KCNQ5: variants seen among roughly 807,000 people sequenced by gnomAD.
KCNQ5 encodes the protein potassium voltage-gated channel subfamily Q member 5.
A neutral mutation model predicts 98.2 loss-of-function variants in KCNQ5; 30 were observed. The observed-to-expected ratio is 0.31, with a 90% CI of 0.23 to 0.41. The LOEUF (loss-of-function observed/expected upper bound fraction) is 0.41. Among genes scored for constraint, KCNQ5 ranks in the 10% least tolerant of loss-of-function variants. The pLI, the probability that KCNQ5 is intolerant of heterozygous loss-of-function variation, is 1.00. For synonymous variants in KCNQ5, 458 were observed against 449.4 expected (o/e 1.02, Z -0.24); for missense variants, 835 against 1,182.5 (o/e 0.71, Z 4.31).
intron 1 of KCNQ5, among the ~76,000 whole-genome samples, chr6:72,842,397 A>C (rs1776834489): frequency 6.6e-6 from 1 of 152,248 alleles, no homozygotes; most frequent in Non-Finnish European, 1.5e-5. Context: ...TACTGCATGC[A>C]TACATGGTGC....
chr6:72,715,088 C>A (rs774380916), intron 1 of KCNQ5, among the ~76,000 whole-genome samples: 5 of 151,800 alleles, frequency 3.3e-5, no homozygotes, highest in Non-Finnish European at 7.4e-5. Flanking sequence ...CAATTGGGAC[C>A]AAAATTGGTG....
intron 1 of KCNQ5, among the ~76,000 whole-genome samples, chr6:72,956,537 T>C (rs1316784579): frequency 6.7e-6 from 1 of 149,754 alleles, no homozygotes; most frequent in African/African-American, 2.4e-5. Context: ...TTTTTCTTTC[T>C]TTCTTTCTTT....
chr6:72,728,263 T>G lies in KCNQ5; in HGVS notation c.398+105676T>G, dbSNP rs780528644. Among the ~76,000 whole-genome samples, 15 of 151,526 alleles carry G rather than the reference T, an allele frequency of 9.9e-5. No individual in the cohort carries two copies. The South Asian group carries it at 2.9e-3, about 30-fold the overall frequency. ...CAAAATAGCTTACTTCTGTCTCATTTTGTATATAAATATAATTTTAGGAAA... is the reference window on the plus strand; with the variant it reads ...CAAAATAGCTTACTTCTGTCTCATTGTGTATATAAATATAATTTTAGGAAA... On this transcript the variant is annotated intron_variant, in intron 1 of 13. Transcript: ENST00000370398.
intron 11 of KCNQ5, among the ~76,000 whole-genome samples, chr6:73,170,720 G>C (rs1777983270): frequency 6.6e-6 from 1 of 152,058 alleles, no homozygotes; most frequent in Non-Finnish European, 1.5e-5. Flanking sequence ...GATCACTTGA[G>C]GTCAGGAGTT....
intron 3 of KCNQ5, among the ~76,000 whole-genome samples, chr6:73,062,076 G>A (rs974445399): frequency 2.6e-5 from 4 of 152,114 alleles, no homozygotes; most frequent in African/African-American, 9.7e-5. Flanking sequence ...GGTACTTTTT[G>A]AGTCTGGAGT....
At chr6:72,986,600 G>T (rs181145196) in intron 1 of KCNQ5, 4 of 659,650 alleles carry the variant, frequency 6.1e-6, no homozygotes, top group South Asian at 1.9e-5. Flanking sequence ...TGAGGAGCAC[G>T]TAGAACCTGA....
At chr6:73,149,490 C>A (rs1005875239) in intron 10 of KCNQ5, among the ~76,000 whole-genome samples, 1 of 152,054 alleles carries the variant, frequency 6.6e-6, no homozygotes, top group South Asian at 2.1e-4. Flanking sequence ...ACAACAAAGG[C>A]ACTACCCATA....
chr6:72,687,192 T>G (rs997204596), intron 1 of KCNQ5, among the ~76,000 whole-genome samples: 17 of 152,210 alleles, frequency 1.1e-4, no homozygotes, highest in Admixed American at 9.2e-4. Flanking sequence ...CGTTACTGAA[T>G]ACTTAAGCCA....
chr6:72,640,259 C>G (rs764969860), intron 1 of KCNQ5, among the ~76,000 whole-genome samples: 5 of 151,880 alleles, frequency 3.3e-5, no homozygotes, highest in Non-Finnish European at 7.4e-5. Context: ...ATCGTAAACC[C>G]CTCCAAGCAC....
intron 1 of KCNQ5, among the ~76,000 whole-genome samples, chr6:72,772,921 A>G (rs888607596): frequency 1.3e-5 from 2 of 152,174 alleles, no homozygotes; most frequent in African/African-American, 2.4e-5. Context: ...CTGAATTGCA[A>G]TAGTTCTTTA....
At chr6:73,129,523 GTATT>G (rs1776133083) in intron 9 of KCNQ5, among the ~76,000 whole-genome samples, 1 of 152,170 alleles carries the variant, frequency 6.6e-6, no homozygotes, top group Middle Eastern at 3.2e-3. Context: ...ATATTCTAAA[GTATT>G]TATTCTTACA....
intron 1 of KCNQ5, among the ~76,000 whole-genome samples, chr6:72,652,149 A>G (rs1469324233): frequency 6.6e-6 from 1 of 151,948 alleles, no homozygotes; most frequent in Non-Finnish European, 1.5e-5. Flanking sequence ...TAAATTAAGA[A>G]ACATTCCAAA....
At chr6:73,144,366 A>G (rs1281571911) in intron 10 of KCNQ5, among the ~76,000 whole-genome samples, 1 of 152,214 alleles carries the variant, frequency 6.6e-6, no homozygotes, top group African/African-American at 2.4e-5. Context: ...AAACCTCAGA[A>G]TAACATTACC....
intron 11 of KCNQ5, among the ~76,000 whole-genome samples, chr6:73,174,776 T>C (rs1778151529): frequency 6.6e-6 from 1 of 152,222 alleles, no homozygotes; most frequent in African/African-American, 2.4e-5. Flanking sequence ...GGTATTGACC[T>C]CATAGGGTTG....
intron 1 of KCNQ5, among the ~76,000 whole-genome samples, chr6:72,985,119 T>C (rs1407570164): frequency 6.6e-6 from 1 of 152,154 alleles, no homozygotes; most frequent in East Asian, 1.9e-4. Context: ...AGCAGGAGGA[T>C]TGCGTGAGCC....
chr6:72,783,621 T>C (rs761822437), intron 1 of KCNQ5, among the ~76,000 whole-genome samples: 2 of 152,178 alleles, frequency 1.3e-5, no homozygotes, highest in Non-Finnish European at 2.9e-5. Context: ...TTATCCTCGA[T>C]ATTGCCAGAT....
At chr6:73,086,764 G>C (rs180690747) in intron 5 of KCNQ5, among the ~76,000 whole-genome samples, 1 of 152,288 alleles carries the variant, frequency 6.6e-6, no homozygotes, top group East Asian at 1.9e-4. Flanking sequence ...TCACGTTAAT[G>C]TTATTACGAA....
In KCNQ5 at chr6:72,815,032, G is replaced by C. The variant is rs80004361; in HGVS notation, c.399-188876G>C. On this transcript the variant is annotated intron_variant, in intron 1 of 13. Coordinates refer to ENST00000370398, the MANE Select transcript of KCNQ5 (RefSeq NM_019842.4). ...GGAGGCATGGTAAGGGAGTGGAGAA[G>C]TGGACCATGGTCAGGAAATATGGGA... 6.7e-3 allele frequency among the ~76,000 whole-genome samples: 1,016 copies of C among 152,304 alleles called. 12 individuals carry two copies. Among genetic ancestry groups the C allele is most frequent in the African/African-American group, 0.023 (976 of 41,562 alleles).
At chr6:73,002,215 T>C (rs1433157577) in intron 1 of KCNQ5, among the ~76,000 whole-genome samples, 3 of 152,242 alleles carry the variant, frequency 2.0e-5, no homozygotes, top group Non-Finnish European at 2.9e-5. Flanking sequence ...CTCTTTCCTC[T>C]TGGAGCCTTC....
Sources: allele counts gnomAD v4.1 joint callset (sites outside exome capture counted in the v4.1 genomes callset), GRCh38; gene constraint gnomAD v4.1.1; transcripts MANE v1.5; gene names NCBI Gene and HGNC (gene_info 2026-07-23, HGNC 2026-07-21).